VAV1: variants seen among roughly 807,000 people sequenced by gnomAD.
VAV1 encodes the protein vav guanine nucleotide exchange factor 1, also known as proto-oncogene vav.
A neutral mutation model predicts 128.1 loss-of-function variants in VAV1; 33 were observed. The ratio of observed to expected loss-of-function variants is 0.26; its 90% CI spans 0.20 to 0.34. The LOEUF is 0.34. Among genes scored for constraint, VAV1 ranks in the 10% least tolerant of loss-of-function variants. The pLI, the probability that VAV1 is intolerant of heterozygous loss-of-function variation, is 1.00. For synonymous variants in VAV1, 394 were observed against 409.8 expected, an observed-to-expected ratio of 0.96 and a Z score of 0.47; for missense variants, 715 against 1,093.7, an observed-to-expected ratio of 0.65 and a Z score of 4.88.
At chr19:6,814,594 T>A (rs1192193563) in intron 1 of VAV1, among the ~76,000 whole-genome samples, 1 of 151,946 alleles carries the variant, frequency 6.6e-6, no homozygotes, top group Non-Finnish European at 1.5e-5. Flanking sequence ...GATGATTGCT[T>A]CTTCTGCAAA....
Position 6,844,063 on chromosome 19 carries a change from CTTTTTTTTTTTTTTTTTTTTTTTTTTTT to C in VAV1, c.2012+911_2012+938del, listed in dbSNP as rs71177123. 7.5e-3 allele frequency among the ~76,000 whole-genome samples: 161 copies of C among 21,330 alleles called. 2 individuals carry two copies. Among genetic ancestry groups the C allele is most frequent in the Non-Finnish European group, 0.015 (137 of 9,194 alleles). The allele number at this position is 21,330 out of a possible 152,430, so 14.0% of individuals were successfully genotyped here. A position where few individuals can be genotyped will look rare whatever the true frequency, so the allele number is the denominator to read the frequency against. ...ACTTTCTTCTTTTCTTCTTCTTCTTCTTTTTTTTTTTTTTTTTTTTTTTTTTTTTTTTTTTTTTTTTGCAAATGAGGCT... is the reference window on the plus strand; with the variant it reads ...ACTTTCTTCTTTTCTTCTTCTTCTTCTTTTTTTTTTTTTGCAAATGAGGCT... On this transcript the variant is annotated intron_variant, in intron 22 of 26. Transcript: ENST00000602142.
At chr19:6,788,788 T>C (rs1267642864) in intron 1 of VAV1, among the ~76,000 whole-genome samples, 1 of 152,152 alleles carries the variant, frequency 6.6e-6, no homozygotes, top group African/African-American at 2.4e-5. Context: ...GCCAGGGTCA[T>C]GTGCCTATTC....
chr19:6,849,371 C>T (rs1972609318), intron 23 of VAV1, among the ~76,000 whole-genome samples: 1 of 138,378 alleles, frequency 7.2e-6, no homozygotes, highest in African/African-American at 2.9e-5. Context: ...TCACTGCAAA[C>T]TCCACCTCCC....
chr19:6,796,445 C>CT (rs59341198), intron 1 of VAV1, among the ~76,000 whole-genome samples: 258 of 152,216 alleles, frequency 1.7e-3, no homozygotes, highest in Non-Finnish European at 2.3e-3. Flanking sequence ...TCCTCCCTCC[C>CT]CCTCGCTTAC....
intron 1 of VAV1, among the ~76,000 whole-genome samples, chr19:6,815,794 C>T (rs1224195545): frequency 6.6e-6 from 1 of 152,042 alleles, no homozygotes; most frequent in Non-Finnish European, 1.5e-5. Flanking sequence ...TGGGAGGAGT[C>T]CATGTTATCT....
chr19:6,846,258 T>C (rs1157287782), intron 22 of VAV1, among the ~76,000 whole-genome samples: 4 of 151,318 alleles, frequency 2.6e-5, no homozygotes, highest in Admixed American at 1.3e-4. Context: ...ATAATATACA[T>C]TACATTAACA....
chr19:6,794,972 C>A (rs1277551439), intron 1 of VAV1, among the ~76,000 whole-genome samples: 2 of 152,166 alleles, frequency 1.3e-5, no homozygotes, highest in Non-Finnish European at 2.9e-5. Flanking sequence ...GGGCTATTGA[C>A]TGGAGCACTT....
chr19:6,823,464 G>GAT (rs574339169), intron 6 of VAV1, among the ~76,000 whole-genome samples: 117 of 150,538 alleles, frequency 7.8e-4, no homozygotes, highest in South Asian at 2.3e-3. Flanking sequence ...ATTATTTAAA[G>GAT]ATATATATAT....
intron 22 of VAV1, among the ~76,000 whole-genome samples, chr19:6,847,234 A>G (rs952169718): frequency 2.0e-5 from 3 of 152,082 alleles, no homozygotes; most frequent in African/African-American, 4.8e-5. Flanking sequence ...TATATTTGCA[A>G]TACTGCGCCG....
intron 1 of VAV1, among the ~76,000 whole-genome samples, chr19:6,796,230 G>C (rs1971131918): frequency 6.6e-6 from 1 of 152,166 alleles, no homozygotes; most frequent in Non-Finnish European, 1.5e-5. Flanking sequence ...CCTTCAGCCT[G>C]ACTTGCTATT....
intron 1 of VAV1, among the ~76,000 whole-genome samples, chr19:6,801,019 T>C (rs1422397162): frequency 1.3e-5 from 2 of 152,192 alleles, no homozygotes; most frequent in Admixed American, 6.5e-5. Context: ...CCAGGTCCCA[T>C]AGCTCTCTGT....
At chr19:6,836,848 A>G (rs1451052132) in intron 20 of VAV1, 137 bp from the exon 21 acceptor site, 5,933 of 61,410 alleles carry the variant, frequency 0.097, 243 homozygotes, top group African/African-American at 0.15. Flanking sequence ...ACACACACAC[A>G]CACACACACA....
At chr19:6,849,841 G>A (rs1201881364) in intron 23 of VAV1, among the ~76,000 whole-genome samples, 1 of 152,120 alleles carries the variant, frequency 6.6e-6, no homozygotes, top group Non-Finnish European at 1.5e-5. Context: ...CACTGTTGAT[G>A]GGCACCTGGG....
intron 15 of VAV1, 49 bp from the exon 16 acceptor site, chr19:6,833,135 A>G (rs757201714): frequency 2.0e-6 from 3 of 1,519,534 alleles, no homozygotes; most frequent in Middle Eastern, 3.7e-4. Context: ...ATAAAAAGGA[A>G]TAAAATACTG....
chr19:6,783,854 G>T (rs1970826094), intron 1 of VAV1, among the ~76,000 whole-genome samples: 1 of 152,126 alleles, frequency 6.6e-6, no homozygotes, highest in Non-Finnish European at 1.5e-5. Context: ...TGGAGCTGGG[G>T]ATAAAAAGGA....
intron 21 of VAV1, among the ~76,000 whole-genome samples, chr19:6,842,171 T>C (rs1972394461): frequency 6.6e-6 from 1 of 151,746 alleles, no homozygotes. Flanking sequence ...CGGAGGTTGC[T>C]GTGAGCCAAG....
rs1374298943 is a variant in VAV1 at position 6,777,395 on chromosome 19, G to C, written c.204+4384G>C. On this transcript the variant is annotated intron_variant, in intron 1 of 26. Coordinates refer to ENST00000602142, the MANE Select transcript of VAV1 (RefSeq NM_005428.4). The surrounding 1 kb of genome is among the most constrained non-coding windows in gnomAD (Gnocchi z 4.4). ...AGGAGCCTGCATTCTAGTGGGGGAG[G>C]CTGACAGTGAAGAAATAAGACAATG... 6.6e-6 allele frequency among the ~76,000 whole-genome samples: 1 copy of C among 152,110 alleles called. No homozygotes were observed. The highest frequency in any genetic ancestry group is 1.5e-5 in the Non-Finnish European group (1 of 68,034).
At position 6,785,754 on chromosome 19, in the gene VAV1, G is replaced by C. The variant is rs548599607; in HGVS notation, c.204+12743G>C. Among the ~76,000 whole-genome samples the C allele has an allele frequency of 1.4e-4, 20 of 147,870 alleles. No homozygotes were observed. The South Asian group carries it at 4.0e-3, about 29-fold the overall frequency. ...AGCTCACCGCAACCTCTGCCTCCTG[G>C]GCCCAAATGATTCTCCTGCCTCAGC... On this transcript the variant is annotated intron_variant, in intron 1 of 26. Coordinates refer to ENST00000602142, the MANE Select transcript of VAV1 (RefSeq NM_005428.4).
chr19:6,843,040 G>A (rs1393150143), intron 21 of VAV1, 95 bp from the exon 22 acceptor site: 2 of 1,351,340 alleles, frequency 1.5e-6, no homozygotes, highest in East Asian at 4.6e-5. Context: ...AAATGCAAGT[G>A]GAATGAGTGA....
Sources: allele counts gnomAD v4.1 joint callset (sites outside exome capture counted in the v4.1 genomes callset), GRCh38; gene constraint gnomAD v4.1.1; non-coding constraint Gnocchi (gnomAD v3.1); transcripts MANE v1.5; gene names NCBI Gene and HGNC (gene_info 2026-07-23, HGNC 2026-07-21).